The following TIMM9 variants were observed in gnomAD, a reference collection of about 807,000 sequenced individuals.
The protein encoded by TIMM9 is translocase of inner mitochondrial membrane 9.
Under a neutral mutation model 13.4 loss-of-function variants are expected in TIMM9, and 10 were observed. The observed-to-expected ratio is 0.75, with a 90% confidence interval of 0.46 to 1.26. The LOEUF is 1.26. TIMM9 is among the 50% of genes most tolerant of loss of function. The pLI, the probability that TIMM9 is intolerant of heterozygous loss-of-function variation, is 0.00. For synonymous variants in TIMM9, 32 were observed against 32.1 expected (o/e 1.00, Z 0.01); for missense variants, 87 against 100.8 (o/e 0.86, Z 0.58).
At chr14:58,414,235 CAT>C (rs1012199212) in intron 3 of TIMM9, among the ~76,000 whole-genome samples, 47 of 152,016 alleles carry the variant, frequency 3.1e-4, no homozygotes, top group African/African-American at 1.1e-3. Context: ...CTCTGGAAAA[CAT>C]AAATTCTTTA....
chr14:58,409,343 G>C (rs1357596976), intron 5 of TIMM9, among the ~76,000 whole-genome samples, 175 bp from the exon 6 acceptor site: 1 of 152,082 alleles, frequency 6.6e-6, no homozygotes, highest in Non-Finnish European at 1.5e-5. Context: ...TTCATTCACT[G>C]ACAAGCATTA....
At position 58,410,164 on chromosome 14, in the gene TIMM9, C is replaced by T. The variant is rs529739976; in HGVS notation, c.135+679G>A. 5.3e-5 allele frequency among the ~76,000 whole-genome samples: 8 copies of T among 152,112 alleles called. No individual in the cohort carries two copies. The South Asian group carries it at 1.2e-3, about 24-fold the overall frequency. ...ACAGCTCACTGCAACCTCTGCCTCCCGGGCTCAGGTGACCCTCTCACCTCA... is the reference window on the plus strand; with the variant it reads ...ACAGCTCACTGCAACCTCTGCCTCCTGGGCTCAGGTGACCCTCTCACCTCA... On this transcript the variant is annotated intron_variant, in intron 5 of 5. Coordinates refer to ENST00000395159, the MANE Select transcript of TIMM9 (RefSeq NM_012460.4).
intron 3 of TIMM9, among the ~76,000 whole-genome samples, chr14:58,422,173 T>C (rs956629829): frequency 6.6e-6 from 1 of 151,078 alleles, no homozygotes; most frequent in Non-Finnish European, 1.5e-5. Context: ...TGGAGTGCAA[T>C]GGCACAATCT....
At position 58,408,784 on chromosome 14, in the gene TIMM9, A is replaced by G. The variant is rs1412413193; in HGVS notation, c.*250T>C. Reference sequence around the variant, plus strand: ...GTTTATTTTTCTAATCAAGTGACCAAGCTGCTGAATCATAAGGCCTCAACA... The same window carrying G: ...GTTTATTTTTCTAATCAAGTGACCAGGCTGCTGAATCATAAGGCCTCAACA... On this transcript the variant is annotated 3_prime_UTR_variant, in exon 6 of 6. Coordinates refer to ENST00000395159, the MANE Select transcript of TIMM9 (RefSeq NM_012460.4). 2 of 687,386 alleles carry G rather than the reference A, an allele frequency of 2.9e-6. No homozygotes were observed. The highest frequency in any genetic ancestry group is 4.7e-6 in the Non-Finnish European group (2 of 427,628). The allele number at this position is 687,386 out of a possible 1,614,324, so 42.6% of individuals were successfully genotyped here.
intron 3 of TIMM9, among the ~76,000 whole-genome samples, chr14:58,414,008 GAAA>G (rs10656955): frequency 8.3e-5 from 2 of 24,172 alleles, no homozygotes; most frequent in South Asian, 4.1e-3. Flanking sequence ...TTCCGTCTCA[GAAA>G]AAAAAAAAAA....
intron 3 of TIMM9, among the ~76,000 whole-genome samples, chr14:58,421,581 T>C (rs1566753688): frequency 6.6e-6 from 1 of 152,080 alleles, no homozygotes. Context: ...ATAAAAAGTT[T>C]AATAATAAAG....
intron 5 of TIMM9, among the ~76,000 whole-genome samples, chr14:58,409,524 T>C (rs534114837): frequency 6.6e-6 from 1 of 152,310 alleles, no homozygotes; most frequent in East Asian, 1.9e-4. Context: ...TGTTCCTTTT[T>C]AATGAGAAAA....
intron 2 of TIMM9, among the ~76,000 whole-genome samples, chr14:58,424,607 G>A (rs761917487): frequency 6.6e-6 from 1 of 152,202 alleles, no homozygotes; most frequent in Non-Finnish European, 1.5e-5. Context: ...CAGGTGCAGT[G>A]GCTCAATCCC....
At chr14:58,409,225 T>C in intron 5 of TIMM9, 57 bp from the exon 6 acceptor site, 1 of 1,586,946 alleles carries the variant, frequency 6.3e-7, no homozygotes, top group Non-Finnish European at 8.6e-7. Context: ...TTTTTTAAAA[T>C]GCATGTATTC....
intron 3 of TIMM9, among the ~76,000 whole-genome samples, chr14:58,417,964 C>A (rs372780800): frequency 8.6e-5 from 13 of 152,040 alleles, no homozygotes; most frequent in African/African-American, 2.4e-4. Context: ...ATAAACCTGA[C>A]AACTTCTTTA....
intron 3 of TIMM9, among the ~76,000 whole-genome samples, chr14:58,414,742 A>AG (rs1325869661): frequency 6.6e-6 from 1 of 151,290 alleles, no homozygotes; most frequent in African/African-American, 2.4e-5. Context: ...ATCTCAAAAA[A>AG]AAAAAAAAAG....
intron 3 of TIMM9, among the ~76,000 whole-genome samples, chr14:58,417,703 C>G (rs1364915998): frequency 6.6e-6 from 1 of 151,596 alleles, no homozygotes; most frequent in Non-Finnish European, 1.5e-5. Flanking sequence ...GTAATCCAAG[C>G]TCCTCCTACC....
chr14:58,415,605 G>A (rs1214871193), intron 3 of TIMM9, among the ~76,000 whole-genome samples: 3 of 152,108 alleles, frequency 2.0e-5, no homozygotes, highest in Non-Finnish European at 4.4e-5. Context: ...GAGAATGGAG[G>A]GGACAGAGGA....
At chr14:58,412,254 G>A in intron 3 of TIMM9, 1 of 300,862 alleles carries the variant, frequency 3.3e-6, no homozygotes, top group Non-Finnish European at 6.4e-6. Context: ...CAATTCTCCT[G>A]CCTCAGCCTC....
intron 5 of TIMM9, among the ~76,000 whole-genome samples, chr14:58,410,211 C>A (rs1409031804): frequency 1.3e-5 from 2 of 152,084 alleles, no homozygotes; most frequent in Non-Finnish European, 2.9e-5. Context: ...GCTGGGACCA[C>A]AGGCATGTAC....
chr14:58,414,441 A>T (rs147899952), intron 3 of TIMM9, among the ~76,000 whole-genome samples: 72 of 152,206 alleles, frequency 4.7e-4, no homozygotes, highest in African/African-American at 1.6e-3. Flanking sequence ...TTATCCTATA[A>T]AATCACAATA....
chr14:58,410,888 C>G lies in TIMM9; in HGVS notation c.90G>C (p.Leu30Phe). Residue 30 changes from leucine (L) to phenylalanine (F), a missense_variant, in exon 5 of 6, where the codon TTG (leucine) becomes TTC (phenylalanine). By Grantham distance (22) the Leu-to-Phe change is conservative. Transcript: ENST00000395159. ...TTGTTGTGAAGTCTTTAACACAGTC[C>G]AAAAAGCAGGTCTCTGTAAGTTTAT... The part of the protein sequence containing the change: ...TYNKLTETCF[L>F]DCVKDFTTRE... The G allele has an allele frequency of 6.2e-7, 1 of 1,612,962 alleles. No individual in the cohort carries two copies. Among genetic ancestry groups the G allele is most frequent in the East Asian group, 2.2e-5 (1 of 44,836 alleles).
At chr14:58,416,721 T>G (rs1207705447) in intron 3 of TIMM9, among the ~76,000 whole-genome samples, 1 of 152,230 alleles carries the variant, frequency 6.6e-6, no homozygotes, top group Non-Finnish European at 1.5e-5. Flanking sequence ...GTTTCTATAC[T>G]TCACTTGAAC....
intron 3 of TIMM9, among the ~76,000 whole-genome samples, chr14:58,412,427 G>A (rs771569018): frequency 8.5e-5 from 13 of 152,136 alleles, no homozygotes; most frequent in East Asian, 3.9e-4. Context: ...GGCGTTAGCC[G>A]CCGTGCCCGG....
Sources: gnomAD v4.1 joint callset for allele counts (sites outside exome capture counted in the v4.1 genomes callset) on GRCh38, gnomAD v4.1.1 for gene constraint, MANE v1.5 for transcripts, NCBI Gene and HGNC (gene_info 2026-07-23, HGNC 2026-07-21) for gene names.